The following KLF8 variants were observed in gnomAD, a reference collection of about 807,000 sequenced individuals.
The protein encoded by KLF8 is Krueppel-like factor 8.
In KLF8, 10 loss-of-function variants were observed where a neutral mutation model predicts 18.2. The ratio of observed to expected loss-of-function variants is 0.55; its 90% CI spans 0.34 to 0.93. The LOEUF (loss-of-function observed/expected upper bound fraction) is 0.93. Among genes scored for constraint, KLF8 ranks in the 40% least tolerant of loss-of-function variants. The pLI, the probability that KLF8 is intolerant of heterozygous loss-of-function variation, is 0.02. For missense variants in KLF8, 264 were observed against 277.9 expected, an observed-to-expected ratio of 0.95 and a Z score of 0.36; for synonymous variants, 109 against 97.3, an observed-to-expected ratio of 1.12 and a Z score of -0.71.
At chrX:56,164,602 T>C in the KLF8 span, among the ~76,000 whole-genome samples, 18 of 103,963 alleles carry the variant, frequency 1.7e-4, no homozygotes, top group East Asian at 5.5e-3. Context: ...TCCTCTAGAA[T>C]ATATTTATTA....
chrX:56,057,658 G>A, the KLF8 span, among the ~76,000 whole-genome samples: 1 of 111,329 alleles, frequency 9.0e-6, no homozygotes, highest in Non-Finnish European at 1.9e-5. Context: ...AACTGGAGAG[G>A]CCAGGAAATT....
chrX:55,978,320 A>G, the KLF8 span, among the ~76,000 whole-genome samples: 35 of 111,735 alleles, frequency 3.1e-4, no homozygotes, highest in African/African-American at 1.1e-3. Context: ...AGACATACAG[A>G]CATATGTACA....
chrX:55,967,739 T>G, the KLF8 span, among the ~76,000 whole-genome samples: 2 of 111,703 alleles, frequency 1.8e-5, no homozygotes, highest in African/African-American at 3.3e-5. Flanking sequence ...TAATTGTAGT[T>G]TGTAAACTAC....
At chrX:56,141,740 G>A in the KLF8 span, among the ~76,000 whole-genome samples, 15 of 111,507 alleles carry the variant, frequency 1.3e-4, no homozygotes, top group African/African-American at 4.6e-4. Flanking sequence ...TACTTACATA[G>A]TTTGAGGACA....
the KLF8 span, among the ~76,000 whole-genome samples, chrX:56,080,188 A>G: frequency 9.2e-6 from 1 of 109,102 alleles, no homozygotes; most frequent in African/African-American, 3.4e-5. Flanking sequence ...TGATCCTGTC[A>G]TTATGATGTT....
At chrX:56,235,080 CATTGTTCTAAT>C (rs915995509) in intron 1 of KLF8, among the ~76,000 whole-genome samples, 4 of 110,700 alleles carry the variant, frequency 3.6e-5, no homozygotes, top group Non-Finnish European at 7.5e-5. Flanking sequence ...TCACCACTCT[CATTGTTCTAAT>C]ACATGCATTT....
the KLF8 span, among the ~76,000 whole-genome samples, chrX:56,130,251 T>C: frequency 1.8e-5 from 2 of 110,494 alleles, no homozygotes; most frequent in African/African-American, 6.6e-5. Context: ...ACTCACAGAG[T>C]CCATTTCACT....
chrX:56,127,093 A>G, the KLF8 span, among the ~76,000 whole-genome samples: 1 of 110,469 alleles, frequency 9.1e-6, no homozygotes, highest in African/African-American at 3.3e-5. Flanking sequence ...CTCCATTCAA[A>G]TAGTGCCTCC....
At chrX:55,940,712 C>G in the KLF8 span, among the ~76,000 whole-genome samples, 70 of 111,775 alleles carry the variant, frequency 6.3e-4, no homozygotes, top group African/African-American at 2.2e-3. Context: ...GCAAAAATCA[C>G]AAGCATTCTT....
At chrX:56,277,705 T>C (rs939404283) in intron 5 of KLF8, among the ~76,000 whole-genome samples, 4 of 112,498 alleles carry the variant, frequency 3.6e-5, no homozygotes, top group African/African-American at 1.3e-4. Context: ...CACCTGTTGG[T>C]GAAGCAAGCC....
At chrX:56,165,734 G>A in the KLF8 span, among the ~76,000 whole-genome samples, 1 of 110,765 alleles carries the variant, frequency 9.0e-6, no homozygotes, top group Non-Finnish European at 1.9e-5. Context: ...GTTTCTACAT[G>A]CTGGTAGTCC....
At chrX:56,078,042 T>C in the KLF8 span, among the ~76,000 whole-genome samples, 2 of 109,491 alleles carry the variant, frequency 1.8e-5, no homozygotes, top group East Asian at 2.8e-4. Flanking sequence ...GGATTTTGGG[T>C]TGAGACAATG....
chrX:55,987,995 C>T, the KLF8 span, among the ~76,000 whole-genome samples: 9 of 112,216 alleles, frequency 8.0e-5, no homozygotes, highest in African/African-American at 2.6e-4. Context: ...TGCATAAATG[C>T]CTTCTTTTGA....
chrX:56,087,859 C>G, the KLF8 span, among the ~76,000 whole-genome samples: 1 of 110,392 alleles, frequency 9.1e-6, no homozygotes, highest in South Asian at 3.7e-4. Flanking sequence ...ATAATCTGCA[C>G]GCTGTTATTG....
At chrX:55,944,051 ATT>A in the KLF8 span, among the ~76,000 whole-genome samples, 1 of 112,234 alleles carries the variant, frequency 8.9e-6, no homozygotes, top group African/African-American at 3.2e-5. Flanking sequence ...GAAGTGTTGA[ATT>A]TTGTTAAAGG....
chrX:56,174,425 C>G, the KLF8 span, among the ~76,000 whole-genome samples: 3 of 111,892 alleles, frequency 2.7e-5, no homozygotes, highest in Non-Finnish European at 5.6e-5. Context: ...TTGAACCAGC[C>G]TTGCATCCCA....
the KLF8 span, among the ~76,000 whole-genome samples, chrX:56,176,241 C>T: frequency 5.4e-5 from 6 of 111,728 alleles, no homozygotes; most frequent in South Asian, 3.7e-4. Context: ...TGGCTGGTAC[C>T]GGTTGTTCCT....
the KLF8 span, among the ~76,000 whole-genome samples, chrX:56,202,559 T>TCCCCCCCCCCCCCCCCCCCCCCC: frequency 6.6e-5 from 5 of 75,793 alleles, no homozygotes; most frequent in Non-Finnish European, 1.3e-4. Context: ...CCATTAACCT[T>TCCCCCCCCCCCCCCCCCCCCCCC]CCCCCCCCCT....
At chrX:56,227,303 A>G in the KLF8 span, among the ~76,000 whole-genome samples, 1 of 111,530 alleles carries the variant, frequency 9.0e-6, no homozygotes, top group Non-Finnish European at 1.9e-5. Context: ...ATTTCCTTAG[A>G]CAATCTCATA....
Sources: allele counts gnomAD v4.1 joint callset (sites outside exome capture counted in the v4.1 genomes callset), GRCh38; gene constraint gnomAD v4.1.1; transcripts MANE v1.5; gene names NCBI Gene and HGNC (gene_info 2026-07-23, HGNC 2026-07-21).